SPRED2: variants seen among roughly 807,000 people sequenced by gnomAD.
SPRED2 encodes the protein sprouty-related, EVH1 domain-containing protein 2.
A neutral mutation model predicts 43.0 loss-of-function variants in SPRED2; 47 were observed. The ratio of observed to expected loss-of-function variants is 1.09; its 90% CI spans 0.87 to 1.40. The LOEUF is 1.40. Ranked by LOEUF, SPRED2 falls within the 40% of genes most tolerant of loss-of-function variation. The pLI, the probability that SPRED2 is intolerant of heterozygous loss-of-function variation, is 0.00. For synonymous variants in SPRED2, 225 were observed against 225.7 expected (o/e 1.00, Z 0.03); for missense variants, 561 against 586.4 (o/e 0.96, Z 0.45).
chr2:65,410,708 G>A (rs1430357134), intron 1 of SPRED2, among the ~76,000 whole-genome samples: 4 of 149,922 alleles, frequency 2.7e-5, no homozygotes, highest in Non-Finnish European at 2.9e-5. Context: ...GCAGTGAGCC[G>A]AGATGGCGCC....
At chr2:65,355,154 G>C (rs1252798954) in intron 1 of SPRED2, among the ~76,000 whole-genome samples, 1 of 152,140 alleles carries the variant, frequency 6.6e-6, no homozygotes, top group Non-Finnish European at 1.5e-5. Context: ...CATCCTGGGG[G>C]ACCAGGGAAC....
Position 65,354,399 on chromosome 2 carries a change from T to C in SPRED2, c.27-9503A>G, listed in dbSNP as rs537641883. On this transcript the variant is annotated intron_variant, in intron 1 of 5. Coordinates refer to ENST00000356388, the MANE Select transcript of SPRED2 (RefSeq NM_181784.3). ...TTTTCTGGTTTCCATTTCAGCAAGG[T>C]TGACAAAGTTACATTAGACTCACTG... 3.3e-5 allele frequency among the ~76,000 whole-genome samples: 5 copies of C among 152,306 alleles called. No individual in the cohort carries two copies. The East Asian group carries it at 5.8e-4, about 18-fold the overall frequency.
At chr2:65,412,076 C>T (rs941423132) in intron 1 of SPRED2, among the ~76,000 whole-genome samples, 7 of 149,920 alleles carry the variant, frequency 4.7e-5, no homozygotes, top group African/African-American at 1.5e-4. Context: ...TGCAGTGAGC[C>T]GACATGCACC....
chr2:65,408,366 T>TA (rs766115976), intron 1 of SPRED2, among the ~76,000 whole-genome samples: 1 of 152,162 alleles, frequency 6.6e-6, no homozygotes, highest in Non-Finnish European at 1.5e-5. Flanking sequence ...CAGTATAAGG[T>TA]AGAGTCAGAA....
intron 1 of SPRED2, among the ~76,000 whole-genome samples, chr2:65,375,098 C>T (rs969300917): frequency 1.3e-5 from 2 of 152,232 alleles, no homozygotes; most frequent in Non-Finnish European, 2.9e-5. Context: ...AGTAGAGGCC[C>T]TTCCTCTGAA....
intron 1 of SPRED2, among the ~76,000 whole-genome samples, chr2:65,414,786 G>C (rs1452160727): frequency 6.6e-6 from 1 of 152,176 alleles, no homozygotes; most frequent in Non-Finnish European, 1.5e-5. Context: ...TCTGTGAAGG[G>C]AGCTTTTGGG....
intron 1 of SPRED2, among the ~76,000 whole-genome samples, chr2:65,419,301 C>T (rs1034867202): frequency 6.6e-6 from 1 of 152,156 alleles, no homozygotes; most frequent in Non-Finnish European, 1.5e-5. Context: ...AATCAGACGA[C>T]CCAAACTTTA....
At chr2:65,366,547 G>T (rs1424731877) in intron 1 of SPRED2, 1 of 1,538,498 alleles carries the variant, frequency 6.5e-7, no homozygotes, top group South Asian at 1.2e-5. Flanking sequence ...AAGAATAAGA[G>T]AACAATGAAA....
chr2:65,316,933 C>A (rs1380624517), intron 4 of SPRED2, 50 bp from the exon 5 acceptor site: 1 of 1,588,026 alleles, frequency 6.3e-7, no homozygotes, highest in Non-Finnish European at 8.6e-7. Flanking sequence ...ACAACAAAAA[C>A]CCCACGCAGC....
intron 1 of SPRED2, among the ~76,000 whole-genome samples, chr2:65,382,546 C>T (rs910677952): frequency 6.6e-6 from 1 of 152,086 alleles, no homozygotes; most frequent in Non-Finnish European, 1.5e-5. Flanking sequence ...CACAGACTAG[C>T]GGTACTGTCC....
intron 1 of SPRED2, among the ~76,000 whole-genome samples, chr2:65,348,445 T>TA (rs1674413659): frequency 6.6e-6 from 1 of 152,116 alleles, no homozygotes; most frequent in African/African-American, 2.4e-5. Flanking sequence ...GAATGGTGTC[T>TA]TATATGTAAC....
Position 65,416,942 on chromosome 2 carries a change from T to TA in SPRED2, c.26+15019dup, listed in dbSNP as rs1676288764. Among the ~76,000 whole-genome samples, 3 of 152,174 alleles carry TA rather than the reference T, an allele frequency of 2.0e-5. No individual in the cohort carries two copies. In the South Asian group the frequency reaches 6.2e-4, roughly 32 times the overall value. On this transcript the variant is annotated intron_variant, in intron 1 of 5. Coordinates refer to ENST00000356388, the MANE Select transcript of SPRED2 (RefSeq NM_181784.3). ...ATGGTGCAGTGGCCTTAGAAAAACT[T>TA]AAGAGTAAAAAGCTACCATAAAAAA...
At chr2:65,381,938 C>G (rs747367881) in intron 1 of SPRED2, among the ~76,000 whole-genome samples, 6 of 152,210 alleles carry the variant, frequency 3.9e-5, no homozygotes, top group Non-Finnish European at 7.3e-5. Context: ...GGTTGTGGGT[C>G]TGCACTTCTG....
rs113631154 is a variant in SPRED2, at chr2:65,431,899, T to G, written c.26+63A>C. On this transcript the variant is annotated intron_variant, in intron 1 of 5. Transcript: ENST00000356388. Reference sequence around the variant, plus strand: ...CCAATAAGCGTCCCCGCCCGCATCCTCAGCCCCGGCCCCCACGCTGCCCCT... The same window carrying G: ...CCAATAAGCGTCCCCGCCCGCATCCGCAGCCCCGGCCCCCACGCTGCCCCT... The G allele has an allele frequency of 2.2e-3, 3,544 of 1,596,160 alleles. 64 individuals carry two copies. The African/African-American group carries it at 0.04, about 18-fold the overall frequency.
chr2:65,382,566 G>T (rs1675398039), intron 1 of SPRED2, among the ~76,000 whole-genome samples: 1 of 152,046 alleles, frequency 6.6e-6, no homozygotes, highest in South Asian at 2.1e-4. Context: ...CCATAGAAAT[G>T]GAAACTGAGC....
At chr2:65,356,872 T>C (rs1227400421) in intron 1 of SPRED2, among the ~76,000 whole-genome samples, 1 of 152,086 alleles carries the variant, frequency 6.6e-6, no homozygotes, top group Non-Finnish European at 1.5e-5. Flanking sequence ...CGGGCACCTG[T>C]AATCCCAGCT....
intron 1 of SPRED2, among the ~76,000 whole-genome samples, chr2:65,348,573 TGGGCGGATAACCTGA>T (rs1401869495): frequency 1.3e-5 from 2 of 150,708 alleles, no homozygotes; most frequent in African/African-American, 4.9e-5. Context: ...GAGGCTGAAG[TGGGCGGATAACCTGA>T]GGTCAGGAGT....
At chr2:65,405,946 T>TG (rs1191304181) in intron 1 of SPRED2, among the ~76,000 whole-genome samples, 1 of 152,102 alleles carries the variant, frequency 6.6e-6, no homozygotes, top group African/African-American at 2.4e-5. Context: ...CTGACCCTCT[T>TG]GCAATGGGCA....
rs148120209 is a variant in SPRED2, at chr2:65,313,929, C to G, written c.829G>C (p.Gly277Arg). The G allele has an allele frequency of 2.6e-3, 4,256 of 1,611,378 alleles. 5 individuals are homozygous for G. The highest frequency in any genetic ancestry group is 3.2e-3 in the Non-Finnish European group (3,813 of 1,180,002). The change falls in exon 6 of 6, where the codon GGC becomes CGC. Residue 277 changes from glycine to arginine, a missense_variant. Physicochemically the swap from Gly to Arg is moderately radical, Grantham distance 125. Transcript: ENST00000356388. ...CCCCCGCGGCCTTTGGGGTCCTCGCCTAGGCCAAAGTCTGAGGAGTCCACG... is the reference window on the plus strand; with the variant it reads ...CCCCCGCGGCCTTTGGGGTCCTCGCGTAGGCCAAAGTCTGAGGAGTCCACG... ...PYVDSSDFGL[G>R]EDPKGRGGSV... is the part of the protein sequence containing the mutation.
Sources: allele counts gnomAD v4.1 joint callset (sites outside exome capture counted in the v4.1 genomes callset), GRCh38; gene constraint gnomAD v4.1.1; transcripts MANE v1.5; gene names NCBI Gene and HGNC (gene_info 2026-07-23, HGNC 2026-07-21).